The following PCDH15 variants were observed in gnomAD, a reference collection of about 807,000 sequenced individuals.
PCDH15 encodes protocadherin-15.
Under a neutral mutation model 178.5 loss-of-function variants are expected in PCDH15, and 129 were observed. The observed-to-expected ratio is 0.72, with a 90% confidence interval of 0.63 to 0.84. The LOEUF is 0.84. Among genes scored for constraint, PCDH15 ranks in the 40% least tolerant of loss-of-function variants. PCDH15 has a pLI of 0.00. For missense variants in PCDH15, 2,230 were observed against 2,099.9 expected, an observed-to-expected ratio of 1.06 and a Z score of -1.21; for synonymous variants, 800 against 732.0, an observed-to-expected ratio of 1.09 and a Z score of -1.50.
chr10:55,503,388 A>G (rs1450102088), intron 2 of PCDH15, among the ~76,000 whole-genome samples: 1 of 148,420 alleles, frequency 6.7e-6, no homozygotes, highest in Non-Finnish European at 1.5e-5. Context: ...ATAGCTAAAT[A>G]ATTTAAAATT....
intron 1 of PCDH15, among the ~76,000 whole-genome samples, chr10:55,216,664 T>A (rs1163684696): frequency 6.6e-6 from 1 of 151,902 alleles, no homozygotes; most frequent in Admixed American, 6.6e-5. Context: ...GATTTAATAA[T>A]TATAAAATTT....
At chr10:54,083,026 G>A (rs1565211801) in intron 16 of PCDH15, among the ~76,000 whole-genome samples, 2 of 151,762 alleles carry the variant, frequency 1.3e-5, no homozygotes, top group Non-Finnish European at 2.9e-5. Flanking sequence ...TAGTCATCAG[G>A]CAAATGCAAA....
rs918642811 is a variant in PCDH15 at position 55,512,267 on chromosome 10, A to C, written c.-156+115358T>G. Among the ~76,000 whole-genome samples the C allele has an allele frequency of 2.6e-5, 4 of 152,090 alleles. No homozygotes were observed. The East Asian group carries it at 7.7e-4, about 29-fold the overall frequency. The stretch of plus-strand genomic sequence containing the variant: ...CTGGCTACTTTATTTCCATATTTGC[A>C]ATTTAATTTAATAAAGCTATTTTGC... On this transcript the variant is annotated intron_variant, in intron 2 of 5. Coordinates refer to the PCDH15 transcript ENST00000613346.
intron 3 of PCDH15, among the ~76,000 whole-genome samples, chr10:54,428,116 C>T (rs755989773): frequency 7.2e-5 from 11 of 152,162 alleles, no homozygotes; most frequent in Non-Finnish European, 1.6e-4. Context: ...ACATCAATCC[C>T]ACACTCATAG....
intron 1 of PCDH15, among the ~76,000 whole-genome samples, chr10:54,796,529 C>T (rs1952033334): frequency 1.3e-5 from 2 of 151,634 alleles, no homozygotes; most frequent in South Asian, 4.2e-4. Context: ...CCTGTGTTTT[C>T]CCGGCCTGTC....
At chr10:54,767,169 T>C (rs375883740) in intron 1 of PCDH15, among the ~76,000 whole-genome samples, 24 of 152,202 alleles carry the variant, frequency 1.6e-4, no homozygotes, top group East Asian at 9.7e-4. Context: ...TCAAAATTTA[T>C]TACGAGTTCA....
intron 2 of PCDH15, among the ~76,000 whole-genome samples, chr10:55,580,438 A>G (rs1306260402): frequency 6.7e-6 from 1 of 150,240 alleles, no homozygotes; most frequent in Admixed American, 6.6e-5. Flanking sequence ...GCTCACTGCA[A>G]CCTCTGCCTC....
At chr10:54,134,800 T>C (rs2042760416) in intron 14 of PCDH15, among the ~76,000 whole-genome samples, 1 of 151,062 alleles carries the variant, frequency 6.6e-6, no homozygotes, top group African/African-American at 2.4e-5. Context: ...GGCACTAAAA[T>C]TTCGTTTTAT....
chr10:54,223,724 G>A (rs1190968428), intron 9 of PCDH15, among the ~76,000 whole-genome samples: 1 of 151,694 alleles, frequency 6.6e-6, no homozygotes, highest in Non-Finnish European at 1.5e-5. Flanking sequence ...TTTATTTAGA[G>A]CAAAGAATCA....
chr10:54,155,662 G>A (rs566267187), intron 13 of PCDH15, among the ~76,000 whole-genome samples: 8 of 151,566 alleles, frequency 5.3e-5, no homozygotes, highest in South Asian at 4.2e-4. Flanking sequence ...GTAAGATCCC[G>A]AAAACTCAAG....
rs576771687 is a variant in PCDH15, at chr10:55,247,837, C to T, written c.-156+71762G>A. On this transcript the variant is annotated intron_variant, in intron 1 of 5. Coordinates refer to the PCDH15 transcript ENST00000458638. Reference sequence around the variant, plus strand: ...GATTGCTTGAGCCACGGATATCGTACTGAGCCCATTGTGCAGTTCACTCCA... The same window carrying T: ...GATTGCTTGAGCCACGGATATCGTATTGAGCCCATTGTGCAGTTCACTCCA... The T allele has an allele frequency of 8.1e-5, 12 of 148,246 alleles. No individual in the cohort carries two copies. The South Asian group carries it at 2.3e-3, about 29-fold the overall frequency. 9.2% of individuals were successfully genotyped at this position (148,246 alleles called of 1,614,324 possible).
chr10:54,779,486 ATG>A (rs1163685725), intron 1 of PCDH15, among the ~76,000 whole-genome samples: 1 of 13,468 alleles, frequency 7.4e-5, no homozygotes, highest in Non-Finnish European at 2.8e-4. Flanking sequence ...ACACATATAT[ATG>A]TATATATATA....
chr10:54,235,070 T>C (rs1348391537), intron 9 of PCDH15, among the ~76,000 whole-genome samples: 5 of 152,170 alleles, frequency 3.3e-5, no homozygotes, highest in African/African-American at 1.2e-4. Flanking sequence ...TTCCCGGAGA[T>C]ATCAACGAGA....
At chr10:55,037,525 C>T (rs934972018) in intron 2 of PCDH15, among the ~76,000 whole-genome samples, 4 of 152,172 alleles carry the variant, frequency 2.6e-5, no homozygotes, top group Non-Finnish European at 5.9e-5. Flanking sequence ...AGCCACCGCA[C>T]CCGGCCAATG....
chr10:55,592,174 G>C (rs983897634), intron 2 of PCDH15, among the ~76,000 whole-genome samples: 6 of 152,216 alleles, frequency 3.9e-5, no homozygotes, highest in Admixed American at 1.3e-4. Context: ...ATTTGCCCTG[G>C]CAAGTCCAAT....
At chr10:55,189,920 T>C (rs1361730048) in intron 1 of PCDH15, among the ~76,000 whole-genome samples, 1 of 151,830 alleles carries the variant, frequency 6.6e-6, no homozygotes, top group Non-Finnish European at 1.5e-5. Flanking sequence ...ACAATATGCA[T>C]GATACGGGCA....
intron 2 of PCDH15, among the ~76,000 whole-genome samples, chr10:55,552,064 C>T (rs899506010): frequency 7.3e-5 from 11 of 151,684 alleles, no homozygotes; most frequent in African/African-American, 2.7e-4. Context: ...AATTGCACAG[C>T]AAATTTATTT....
chr10:54,798,778 T>C (rs2133680313), intron 1 of PCDH15, among the ~76,000 whole-genome samples: 1 of 152,184 alleles, frequency 6.6e-6, no homozygotes, highest in Non-Finnish European at 1.5e-5. Flanking sequence ...CTCCCAGCAT[T>C]AGGGCTACAA....
intron 28 of PCDH15, among the ~76,000 whole-genome samples, chr10:53,841,563 A>G (rs2077648159): frequency 6.6e-6 from 1 of 152,160 alleles, no homozygotes; most frequent in East Asian, 1.9e-4. Flanking sequence ...TTTGGAGGAA[A>G]TGGCTCTACC....
Sources: gnomAD v4.1 joint callset for allele counts (sites outside exome capture counted in the v4.1 genomes callset) on GRCh38, gnomAD v4.1.1 for gene constraint, MANE v1.5 for transcripts, NCBI Gene and HGNC (gene_info 2026-07-23, HGNC 2026-07-21) for gene names.